Variants in FAT3 observed in about 807,000 individuals in gnomAD.
FAT3 encodes the protein FAT atypical cadherin 3.
A neutral mutation model predicts 310.2 loss-of-function variants in FAT3; 95 were observed. That is an observed-to-expected ratio of 0.31 (90% CI 0.26 to 0.36). FAT3 has a LOEUF of 0.36. Among genes scored for constraint, FAT3 ranks in the 10% least tolerant of loss-of-function variants. The pLI is 1.00. For synonymous variants in FAT3, 2,314 were observed against 2,192.9 expected (o/e 1.06, Z -1.54); for missense variants, 5,408 against 5,715.6 (o/e 0.95, Z 1.74).
intron 3 of FAT3, among the ~76,000 whole-genome samples, chr11:92,604,799 A>G (rs1029736653): frequency 1.3e-5 from 2 of 152,202 alleles, no homozygotes; most frequent in Non-Finnish European, 2.9e-5. Context: ...CCAAGGAAGG[A>G]GTGATATTTA....
Position 92,880,875 on chromosome 11 carries a change from C to G in FAT3, c.12272C>G (p.Thr4091Ser), listed in dbSNP as rs2136399410. 6.2e-7 allele frequency: 1 copy of G among 1,613,746 alleles called. No individual in the cohort carries two copies. Among genetic ancestry groups the G allele is most frequent in the South Asian group, 1.1e-5 (1 of 91,030 alleles). ...ATCTGCAATTGTAAAGCTGGGCTCA[C>G]TGGAGTCACGTAAGTGAGATTACAT... ...TFICNCKAGLTGVTCEEDINE... is the reference protein window; with the variant it reads ...TFICNCKAGLSGVTCEEDINE... Residue 4091 changes from threonine (T) to serine (S), a missense_variant, in exon 23 of 28, where the codon ACT becomes AGT. Thr to Ser is a moderately conservative substitution (Grantham distance 58, BLOSUM62 1). Around this residue, in one of 5 missense-constraint regions of FAT3, gnomAD observed 649 missense variants for 666.2 expected, o/e 0.97. Transcript: ENST00000525166.
chr11:92,565,502 A>G (rs1424333397), intron 3 of FAT3, among the ~76,000 whole-genome samples: 2 of 149,874 alleles, frequency 1.3e-5, no homozygotes, highest in Non-Finnish European at 3.0e-5. Context: ...ATTCCAATCA[A>G]TAGAAAAAGA....
chr11:92,435,767 G>A (rs1363839796), intron 2 of FAT3, among the ~76,000 whole-genome samples: 2 of 151,834 alleles, frequency 1.3e-5, no homozygotes, highest in Non-Finnish European at 2.9e-5. Context: ...GTGTTTCACT[G>A]TGTTGGCCAA....
rs533628887 is a variant in FAT3, at chr11:92,528,641, C to T, written c.3607+3693C>T. 2.2e-3 allele frequency among the ~76,000 whole-genome samples: 337 copies of T among 151,246 alleles called. 1 individual carries two copies. Among genetic ancestry groups the T allele is most frequent in the African/African-American group, 7.8e-3 (318 of 41,032 alleles). ...GACCTCATGATCCGCCCGCCTTGGC[C>T]TCCCAAAGTGCTGGATTACAGGCGT... On this transcript the variant is annotated intron_variant, in intron 3 of 27. Coordinates refer to ENST00000525166, the MANE Select transcript of FAT3 (RefSeq NM_001367949.2).
chr11:92,859,149 A>C lies in FAT3; in HGVS notation c.11501-16A>C, dbSNP rs750750312. ...ATGTTAAAAATATATATGTCTTCTC[A>C]TAACGGTCTTTTCAGGGCACACTTC... On this transcript the variant is annotated splice_polypyrimidine_tract_variant and intron_variant, in intron 20 of 27. Coordinates refer to ENST00000525166, the MANE Select transcript of FAT3 (RefSeq NM_001367949.2). 3 of 1,610,890 alleles carry C rather than the reference A, an allele frequency of 1.9e-6. No homozygotes were observed. Among genetic ancestry groups the C allele is most frequent in the Non-Finnish European group, 2.5e-6 (3 of 1,178,548 alleles).
At chr11:92,322,768 T>C (rs1947655739) in intron 1 of FAT3, among the ~76,000 whole-genome samples, 1 of 152,234 alleles carries the variant, frequency 6.6e-6, no homozygotes, top group South Asian at 2.1e-4. Context: ...TTGCAGCAAC[T>C]CAGTTACATC....
At chr11:92,230,042 C>T (rs1015211089) in intron 1 of FAT3, among the ~76,000 whole-genome samples, 6 of 151,956 alleles carry the variant, frequency 3.9e-5, no homozygotes, top group Admixed American at 6.6e-5. Flanking sequence ...CTACCGTGGG[C>T]GGAAAAGTCA....
At chr11:92,835,422 C>T (rs1948380460) in intron 15 of FAT3, among the ~76,000 whole-genome samples, 1 of 152,056 alleles carries the variant, frequency 6.6e-6, no homozygotes, top group Non-Finnish European at 1.5e-5. Context: ...TATTAGGTGG[C>T]TAGGAGGAAT....
At chr11:92,788,511 A>G (rs562582651) in intron 7 of FAT3, among the ~76,000 whole-genome samples, 94 of 152,272 alleles carry the variant, frequency 6.2e-4, no homozygotes, top group African/African-American at 2.2e-3. Context: ...CAGCTAATAA[A>G]TGAGGAAGAA....
chr11:92,801,446 G>A lies in FAT3; in HGVS notation c.8433G>A (p.Lys2811=). ...AGGTATTGGATTTGAATGACAACAA[G>A]CCAGTCTTTGAAACTTCAAGCTATG... is the stretch of plus-strand genomic sequence containing the variant. ...DIKVLDLNDN[K]PVFETSSYDT... is the part of the protein sequence containing the mutation. Residue 2811 remains lysine (K), a synonymous_variant, in exon 10 of 28, where the codon AAG becomes AAA. Coordinates refer to ENST00000525166, the MANE Select transcript of FAT3 (RefSeq NM_001367949.2). 1 of 1,613,894 alleles carries A rather than the reference G, an allele frequency of 6.2e-7. No individual in the cohort carries two copies. The highest frequency in any genetic ancestry group is 2.2e-5 in the East Asian group (1 of 44,834).
rs570423845 is a variant in FAT3, at chr11:92,240,576, C to CAAA, written c.-18+15412_-18+15414dup. 1.6e-3 allele frequency among the ~76,000 whole-genome samples: 219 copies of CAAA among 140,736 alleles called. 2 individuals carry two copies. In the East Asian group the frequency reaches 0.016, roughly 11 times the overall value. 92.3% of individuals were successfully genotyped at this position (140,736 alleles called of 152,430 possible). ...TACTTGAAACAAAATGAAACCCCCC[C>CAAA]AAAAAAAAAAAACCCAAAAAACCAA... On this transcript the variant is annotated intron_variant, in intron 1 of 27. Coordinates refer to ENST00000525166, the MANE Select transcript of FAT3 (RefSeq NM_001367949.2).
At chr11:92,520,002 A>T (rs985946251) in intron 2 of FAT3, among the ~76,000 whole-genome samples, 1 of 152,144 alleles carries the variant, frequency 6.6e-6, no homozygotes, top group African/African-American at 2.4e-5. Flanking sequence ...TTCAAGAGTA[A>T]TGGAAGTATT....
At chr11:92,498,334 G>A (rs191236917) in intron 2 of FAT3, 8 of 238,326 alleles carry the variant, frequency 3.4e-5, no homozygotes, top group East Asian at 2.0e-4. Context: ...TAAATAGATC[G>A]GCAAGCCTTT....
At chr11:92,808,044 A>C (rs1352130525) in intron 12 of FAT3, among the ~76,000 whole-genome samples, 1 of 152,222 alleles carries the variant, frequency 6.6e-6, no homozygotes, top group Non-Finnish European at 1.5e-5. Flanking sequence ...GGAAGCACTG[A>C]CTTAGCTACA....
At chr11:92,566,495 C>G (rs1955452224) in intron 3 of FAT3, among the ~76,000 whole-genome samples, 1 of 151,808 alleles carries the variant, frequency 6.6e-6, no homozygotes, top group African/African-American at 2.4e-5. Context: ...CCATCCCCAT[C>G]AAGCTACCAA....
intron 1 of FAT3, among the ~76,000 whole-genome samples, chr11:92,315,502 TATATATATATAGAGAG>T (rs1455856961): frequency 9.8e-4 from 90 of 91,724 alleles, no homozygotes; most frequent in African/African-American, 3.3e-3. Context: ...TATATATATA[TATATATATATAGAGAG>T]AGAGAGAGAG....
chr11:92,648,363 T>C (rs1942240110), intron 3 of FAT3, among the ~76,000 whole-genome samples: 1 of 152,218 alleles, frequency 6.6e-6, no homozygotes, highest in Non-Finnish European at 1.5e-5. Context: ...TTGACCACTC[T>C]TACCTTTGGG....
rs1943624040 is a variant in FAT3 at position 92,685,913 on chromosome 11, G to A, written c.3608-11471G>A. ...ACTTATTCAGCATTTCTTCCAAGGA[G>A]TTATAAAGCAGTTATAAATAATACT... is the stretch of plus-strand genomic sequence containing the variant. On this transcript the variant is annotated intron_variant, in intron 3 of 27. Transcript: ENST00000525166. 2.6e-5 allele frequency among the ~76,000 whole-genome samples: 4 copies of A among 152,252 alleles called. No individual in the cohort carries two copies. In the South Asian group the frequency reaches 8.3e-4, roughly 32 times the overall value.
intron 3 of FAT3, among the ~76,000 whole-genome samples, chr11:92,675,377 CACTTAA>C (rs1363981481): frequency 2.0e-5 from 3 of 152,184 alleles, no homozygotes; most frequent in Admixed American, 6.5e-5. Context: ...ATCTTAACAA[CACTTAA>C]ACTTAAAACT....
Sources: allele counts gnomAD v4.1 joint callset (sites outside exome capture counted in the v4.1 genomes callset), GRCh38; gene constraint gnomAD v4.1.1; regional missense constraint gnomAD v4.1.1; transcripts MANE v1.5; gene names NCBI Gene and HGNC (gene_info 2026-07-23, HGNC 2026-07-21).